The following ABCB7 variants were observed in gnomAD, a reference collection of about 807,000 sequenced individuals.
ABCB7 encodes iron-sulfur clusters transporter ABCB7, mitochondrial.
In ABCB7, 7 loss-of-function variants were observed where a neutral mutation model predicts 54.4. That is an observed-to-expected ratio of 0.13 (90% CI 0.07 to 0.24). The LOEUF (loss-of-function observed/expected upper bound fraction) is 0.24, where lower values mean the gene tolerates loss of function less well. ABCB7 is among the 10% of genes least tolerant of loss of function. The probability of loss-of-function intolerance (pLI) is 1.00; values close to 1 mark genes in which losing one functional copy is unlikely to be tolerated. For missense variants in ABCB7, 356 were observed against 570.4 expected, an observed-to-expected ratio of 0.62 and a Z score of 3.83; for synonymous variants, 218 against 207.1, an observed-to-expected ratio of 1.05 and a Z score of -0.45.
chrX:75,109,432 G>C (rs2081737571), intron 3 of ABCB7, among the ~76,000 whole-genome samples: 1 of 111,432 alleles, frequency 9.0e-6, no homozygotes, highest in African/African-American at 3.3e-5. Flanking sequence ...TCCGTTGCTT[G>C]TTCTTTTCAA....
chrX:75,067,294 C>T (rs187940753), intron 12 of ABCB7, among the ~76,000 whole-genome samples: 127 of 111,044 alleles, frequency 1.1e-3, no homozygotes, highest in African/African-American at 4.0e-3. Context: ...GAGAGTCTTT[C>T]GTTTACTGAT....
At position 75,097,279 on chromosome X, in the gene ABCB7, A is replaced by G. The variant is rs138606325; in HGVS notation, c.453+1663T>C. ...ACACATACTATGCTCTCTCACAACT[A>G]GGCCATTTTTCATGTTATTCCTACA... On this transcript the variant is annotated intron_variant, in intron 4 of 15. Coordinates refer to ENST00000373394, the MANE Select transcript of ABCB7 (RefSeq NM_001271696.3). Among the ~76,000 whole-genome samples the G allele has an allele frequency of 3.7e-3, 410 of 111,354 alleles. 2 individuals are homozygous for G. Among genetic ancestry groups the G allele is most frequent in the Non-Finnish European group, 6.7e-3 (353 of 53,021 alleles).
chrX:75,114,609 G>A lies in ABCB7; in HGVS notation c.246+145C>T, dbSNP rs964025957. 5 of 423,666 alleles carry A rather than the reference G, an allele frequency of 1.2e-5. No individual in the cohort carries two copies. The African/African-American group carries it at 1.3e-4, about 11-fold the overall frequency. 34.9% of individuals were successfully genotyped at this position (423,666 alleles called of 1,213,427 possible). On this transcript the variant is annotated intron_variant, in intron 2 of 15. Coordinates refer to ENST00000373394, the MANE Select transcript of ABCB7 (RefSeq NM_001271696.3). ...AAGACTTCTCTCTGCATTTCCAGAA[G>A]CAGAAACATACCTTCTTATTCATCT...
intron 1 of ABCB7, among the ~76,000 whole-genome samples, chrX:75,151,098 A>G (rs1191048063): frequency 9.0e-6 from 1 of 111,713 alleles, no homozygotes; most frequent in East Asian, 2.8e-4. Flanking sequence ...GAGAAGGTCT[A>G]TGGCTTTGAT....
intron 1 of ABCB7, among the ~76,000 whole-genome samples, chrX:75,125,814 T>C (rs1185357594): frequency 1.0e-4 from 11 of 110,486 alleles, no homozygotes; most frequent in Non-Finnish European, 2.1e-4. Flanking sequence ...AAGGGACTTT[T>C]TCAAAAAATA....
chrX:75,144,224 T>C (rs1473282392), intron 1 of ABCB7, among the ~76,000 whole-genome samples: 1 of 111,795 alleles, frequency 8.9e-6, no homozygotes, highest in Non-Finnish European at 1.9e-5. Flanking sequence ...TTTGATAATG[T>C]CACTCCCTAC....
Position 75,075,420 on chromosome X carries a change from G to C in ABCB7, c.797C>G (p.Ala266Gly). ...GTRGISFVLS[A>G]LVFNLLPIMF... Reference sequence around the variant, plus strand: ...GATGGGAAGAAGATTAAATACCAAAGCACTCAGGACAAAACTGATACCCCT... The same window carrying C: ...GATGGGAAGAAGATTAAATACCAAACCACTCAGGACAAAACTGATACCCCT... Residue 266 changes from alanine (A) to glycine (G), a missense_variant, in exon 6 of 16, where the codon GCT becomes GGT. Ala to Gly is a moderately conservative substitution (Grantham distance 60). Around this residue, in one of 2 missense-constraint regions of ABCB7, gnomAD observed 241 missense variants for 470.9 expected, o/e 0.51. Coordinates refer to ENST00000373394, the MANE Select transcript of ABCB7 (RefSeq NM_001271696.3). 1 of 1,210,885 alleles carries C rather than the reference G, an allele frequency of 8.3e-7. No individual in the cohort carries two copies. The highest frequency in any genetic ancestry group is 1.1e-6 in the Non-Finnish European group (1 of 894,786).
chrX:75,100,521 A>ATC (rs1299184059), intron 3 of ABCB7, among the ~76,000 whole-genome samples: 1 of 109,866 alleles, frequency 9.1e-6, no homozygotes, highest in East Asian at 2.9e-4. Context: ...GTCTGGAATA[A>ATC]TCTCTCTCTC....
In ABCB7 at chrX:75,052,987, G is replaced by T. The variant is rs2081207313; in HGVS notation, c.*383C>A. On this transcript the variant is annotated 3_prime_UTR_variant, in exon 16 of 16. Transcript: ENST00000373394. ...CTACACTATCCTCTTTTTCTTTCAT[G>T]TTAAGAAACAGACACTTTCCCTCTA... 5.9e-6 allele frequency: 1 copy of T among 169,614 alleles called. No homozygotes were observed. The highest frequency in any genetic ancestry group is 1.1e-5 in the Non-Finnish European group (1 of 90,408). 14.0% of individuals were successfully genotyped at this position (169,614 alleles called of 1,213,427 possible). A position where few individuals can be genotyped will look rare whatever the true frequency, so the allele number is the denominator to read the frequency against.
At chrX:75,100,005 C>G (rs1451185620) in intron 3 of ABCB7, among the ~76,000 whole-genome samples, 4 of 110,438 alleles carry the variant, frequency 3.6e-5, no homozygotes, top group Non-Finnish European at 7.6e-5. Context: ...TTCTGGAGAG[C>G]AATTTGCTAT....
rs987666084 is a variant in ABCB7, at chrX:75,083,349, T to C, written c.454-6695A>G. Reference sequence around the variant, plus strand: ...CTCATGGAGTCAAAATCACCCCTGGTTGGGAACCACTGGTATAATCAAACA... The same window carrying C: ...CTCATGGAGTCAAAATCACCCCTGGCTGGGAACCACTGGTATAATCAAACA... On this transcript the variant is annotated intron_variant, in intron 4 of 15. Coordinates refer to ENST00000373394, the MANE Select transcript of ABCB7 (RefSeq NM_001271696.3). Among the ~76,000 whole-genome samples, 5 of 111,468 alleles carry C rather than the reference T, an allele frequency of 4.5e-5. No individual in the cohort carries two copies. The Admixed American group carries it at 4.8e-4, about 11-fold the overall frequency.
intron 1 of ABCB7, among the ~76,000 whole-genome samples, chrX:75,119,713 T>A (rs750884561): frequency 8.9e-6 from 1 of 111,934 alleles, no homozygotes; most frequent in African/African-American, 3.2e-5. Context: ...AATATGTTAC[T>A]GATCTCTGTT....
In ABCB7 at chrX:75,051,911, T is replaced by C. The variant is rs2147436334; in HGVS notation, c.*1459A>G. On this transcript the variant is annotated 3_prime_UTR_variant, in exon 16 of 16. Coordinates refer to ENST00000373394, the MANE Select transcript of ABCB7 (RefSeq NM_001271696.3). ...AAAAGCAGCACATTTAAGATGGAAA[T>C]ATAAAAGGAAATGAACTTTCTAAGC... 1 of 112,582 alleles carries C rather than the reference T, an allele frequency of 8.9e-6. No homozygotes were observed. Among genetic ancestry groups the C allele is most frequent in the African/African-American group, 3.2e-5 (1 of 31,073 alleles). 9.3% of individuals were successfully genotyped at this position (112,582 alleles called of 1,213,427 possible).
At chrX:75,101,353 T>C (rs2081638191) in intron 3 of ABCB7, among the ~76,000 whole-genome samples, 1 of 110,060 alleles carries the variant, frequency 9.1e-6, no homozygotes, top group Admixed American at 9.6e-5. Context: ...TTTCATATTA[T>C]AGTTATCCCT....
chrX:75,078,493 T>C (rs977704662), intron 4 of ABCB7, among the ~76,000 whole-genome samples: 4 of 111,799 alleles, frequency 3.6e-5, no homozygotes, highest in Non-Finnish European at 5.6e-5. Context: ...TCTGGGATTT[T>C]AGTGTATCTA....
Position 75,156,244 on chromosome X carries a change from C to A in ABCB7, c.29G>T (p.Arg10Leu), listed in dbSNP as rs865892406. MALLAMHSW[R>L]WAAAAAAFEK... ...GAAAGCAGCCGCCGCGGCCGCCCAG[C>A]GCCAAGAATGCATCGCGAGCAGCGC... Residue 10 changes from arginine to leucine, a missense_variant, in exon 1 of 16, where the codon CGC becomes CTC. Physicochemically the swap from Arg to Leu is moderately radical, Grantham distance 102. This residue lies in a region of ABCB7 where 115 missense variants were observed against 99.5 expected (regional missense o/e 1.16). Transcript: ENST00000373394. 18 of 1,205,855 alleles carry A rather than the reference C, an allele frequency of 1.5e-5. No homozygotes were observed. The highest frequency in any genetic ancestry group is 2.0e-5 in the Non-Finnish European group (18 of 892,848).
At chrX:75,071,245 TA>T (rs1381705350) in intron 9 of ABCB7, among the ~76,000 whole-genome samples, 2 of 105,555 alleles carry the variant, frequency 1.9e-5, no homozygotes, top group Non-Finnish European at 3.9e-5. Context: ...AGCTAGATAC[TA>T]AAAAAAAAAG....
At chrX:75,082,982 A>G (rs748194106) in intron 4 of ABCB7, among the ~76,000 whole-genome samples, 7 of 111,954 alleles carry the variant, frequency 6.3e-5, no homozygotes, top group Non-Finnish European at 1.3e-4. Flanking sequence ...TATAAATGAT[A>G]GCAATATTAT....
At position 75,151,194 on chromosome X, in the gene ABCB7, T is replaced by TA. The variant is rs778941972; in HGVS notation, c.168+4910dup. On this transcript the variant is annotated intron_variant, in intron 1 of 15. Transcript: ENST00000373394. ...CTTCCTAATAATCTTAATAACTAGT[T>TA]AAAACCAATGTGTCAATGACTTAGA... Among the ~76,000 whole-genome samples the TA allele has an allele frequency of 4.6e-4, 51 of 111,909 alleles. No individual in the cohort carries two copies. The East Asian group carries it at 8.4e-3, about 18-fold the overall frequency.
Sources: allele counts gnomAD v4.1 joint callset (sites outside exome capture counted in the v4.1 genomes callset), GRCh38; gene constraint gnomAD v4.1.1; regional missense constraint gnomAD v4.1.1; transcripts MANE v1.5; gene names NCBI Gene and HGNC (gene_info 2026-07-23, HGNC 2026-07-21).